The following RBFOX1 variants were observed in gnomAD, a reference collection of about 807,000 sequenced individuals.
RBFOX1 encodes the protein RNA binding protein fox-1 homolog 1.
RBFOX1 carries 8 observed loss-of-function variants against 57.7 expected under a neutral mutation model. That is an observed-to-expected ratio of 0.14 (90% CI 0.08 to 0.25). The LOEUF is 0.25. RBFOX1 is among the 10% of genes least tolerant of loss of function. RBFOX1 has a pLI of 1.00. For synonymous variants in RBFOX1, 326 were observed against 222.4 expected (o/e 1.47, Z -4.15); for missense variants, 611 against 548.5 (o/e 1.11, Z -1.14).
intron 4 of RBFOX1, among the ~76,000 whole-genome samples, chr16:7,438,610 A>C (rs553794059): frequency 2.4e-4 from 36 of 152,328 alleles, no homozygotes; most frequent in African/African-American, 7.5e-4. Context: ...GTCTGCATTT[A>C]GCCATTGAAA....
chr16:6,712,168 A>T (rs1359586722), intron 3 of RBFOX1, among the ~76,000 whole-genome samples: 2 of 152,212 alleles, frequency 1.3e-5, no homozygotes, highest in African/African-American at 4.8e-5. Context: ...CTCAATGAAC[A>T]GTAGCCATCA....
intron 3 of RBFOX1, among the ~76,000 whole-genome samples, chr16:6,920,407 C>G (rs1377125498): frequency 6.6e-6 from 1 of 152,142 alleles, no homozygotes; most frequent in Non-Finnish European, 1.5e-5. Context: ...TACTGTTTCT[C>G]TTGCTTCCTC....
intron 4 of RBFOX1, among the ~76,000 whole-genome samples, chr16:5,895,641 T>C (rs1051203540): frequency 2.6e-5 from 4 of 152,202 alleles, no homozygotes; most frequent in Non-Finnish European, 1.5e-5. Context: ...GCCACTAACG[T>C]GCAGTCTAAC....
At chr16:6,769,272 T>G (rs192791212) in intron 3 of RBFOX1, among the ~76,000 whole-genome samples, 15 of 152,330 alleles carry the variant, frequency 9.8e-5, no homozygotes, top group African/African-American at 3.4e-4. Flanking sequence ...AGATGAGACT[T>G]GCTCCTCCTT....
At chr16:6,633,940 AG>A (rs961320838) in intron 2 of RBFOX1, among the ~76,000 whole-genome samples, 1 of 152,124 alleles carries the variant, frequency 6.6e-6, no homozygotes, top group African/African-American at 2.4e-5. Flanking sequence ...GCTTGAGGCC[AG>A]GGGGTGGAGG....
intron 3 of RBFOX1, among the ~76,000 whole-genome samples, chr16:5,821,371 C>T (rs911147265): frequency 7.5e-5 from 11 of 146,032 alleles, no homozygotes; most frequent in Non-Finnish European, 1.6e-4. Context: ...TCATGGCTTA[C>T]GGCTCACTGT....
chr16:7,086,218 T>G (rs1311379952), intron 4 of RBFOX1, among the ~76,000 whole-genome samples: 1 of 152,154 alleles, frequency 6.6e-6, no homozygotes, highest in African/African-American at 2.4e-5. Flanking sequence ...TTTAATTGTT[T>G]AGGTTGACAT....
intron 2 of RBFOX1, among the ~76,000 whole-genome samples, chr16:6,321,313 A>T (rs1599610862): frequency 1.3e-5 from 2 of 152,254 alleles, no homozygotes; most frequent in South Asian, 4.1e-4. Flanking sequence ...ATGGCTTTAG[A>T]CTAGCAGCCT....
intron 1 of RBFOX1, among the ~76,000 whole-genome samples, chr16:5,247,797 A>T (rs188717175): frequency 1.3e-5 from 2 of 152,232 alleles, no homozygotes; most frequent in Non-Finnish European, 2.9e-5. Flanking sequence ...GGTTAAGAGG[A>T]CTTTGTACCA....
intron 3 of RBFOX1, among the ~76,000 whole-genome samples, chr16:5,851,438 G>A (rs1487876906): frequency 1.3e-5 from 2 of 152,112 alleles, no homozygotes; most frequent in Non-Finnish European, 2.9e-5. Context: ...TCCTCTGTGT[G>A]TTTTCCAAGG....
chr16:6,681,114 C>T (rs1052100814), intron 3 of RBFOX1, among the ~76,000 whole-genome samples: 2 of 152,048 alleles, frequency 1.3e-5, no homozygotes, highest in Admixed American at 6.6e-5. Flanking sequence ...AGTTCGAGAC[C>T]ATCCTGGGAA....
At chr16:6,654,494 G>A (rs1256275010) in intron 2 of RBFOX1, 109 bp from the exon 3 acceptor site, 3 of 833,910 alleles carry the variant, frequency 3.6e-6, no homozygotes, top group Middle Eastern at 2.2e-4. Context: ...AGGAGCATGA[G>A]CTCTTTATTA....
At chr16:6,101,967 G>A (rs1192366879) in intron 1 of RBFOX1, among the ~76,000 whole-genome samples, 1 of 152,084 alleles carries the variant, frequency 6.6e-6, no homozygotes, top group Middle Eastern at 3.2e-3. Context: ...CAGGGTGGGA[G>A]CTGATTGCTT....
chr16:6,530,467 A>G (rs1221092402), intron 2 of RBFOX1, among the ~76,000 whole-genome samples: 1 of 152,200 alleles, frequency 6.6e-6, no homozygotes, highest in Non-Finnish European at 1.5e-5. Flanking sequence ...TGTTGTAAAT[A>G]TTCAAATTCT....
intron 2 of RBFOX1, among the ~76,000 whole-genome samples, chr16:6,557,741 A>T (rs2097125165): frequency 6.6e-6 from 1 of 152,204 alleles, no homozygotes; most frequent in Non-Finnish European, 1.5e-5. Flanking sequence ...TCTTCGGTAT[A>T]AATTGATTTG....
chr16:6,291,787 C>G (rs575368008), intron 1 of RBFOX1, among the ~76,000 whole-genome samples: 3 of 152,256 alleles, frequency 2.0e-5, no homozygotes, highest in African/African-American at 7.2e-5. Context: ...ATATTGAAAC[C>G]TTGAAAATCA....
At chr16:6,742,232 A>G (rs1226408177) in intron 3 of RBFOX1, among the ~76,000 whole-genome samples, 3 of 152,224 alleles carry the variant, frequency 2.0e-5, no homozygotes, top group East Asian at 3.8e-4. Context: ...GAACATGGAA[A>G]GAATTCGGCA....
At chr16:6,953,985 G>A (rs934136548) in intron 3 of RBFOX1, among the ~76,000 whole-genome samples, 5 of 152,068 alleles carry the variant, frequency 3.3e-5, no homozygotes, top group South Asian at 2.1e-4. Context: ...TTACATACCC[G>A]ATAGGTCTTA....
intron 4 of RBFOX1, among the ~76,000 whole-genome samples, chr16:7,094,775 T>TGTGTGTGTGGGG (rs879519332): frequency 6.4e-5 from 9 of 139,794 alleles, no homozygotes; most frequent in Non-Finnish European, 1.3e-4. Flanking sequence ...TGTGTGTGTG[T>TGTGTGTGTGGGG]GGGTGTGTGT....
Sources: allele counts gnomAD v4.1 joint callset (sites outside exome capture counted in the v4.1 genomes callset), GRCh38; gene constraint gnomAD v4.1.1; transcripts MANE v1.5; gene names NCBI Gene and HGNC (gene_info 2026-07-23, HGNC 2026-07-21).